Variants in ALDH1A2 observed in about 807,000 individuals in gnomAD.
The protein encoded by ALDH1A2 is retinal dehydrogenase 2.
A neutral mutation model predicts 60.3 loss-of-function variants in ALDH1A2; 27 were observed. That is an observed-to-expected ratio of 0.45 (90% CI 0.33 to 0.62). The LOEUF is 0.62. Among genes scored for constraint, ALDH1A2 ranks in the 20% least tolerant of loss-of-function variants. ALDH1A2 has a pLI of 0.02. For synonymous variants in ALDH1A2, 289 were observed against 232.4 expected (o/e 1.24, Z -2.21); for missense variants, 581 against 643.8 (o/e 0.90, Z 1.06).
At chr15:58,048,361 G>A (rs1344326502) in intron 1 of ALDH1A2, among the ~76,000 whole-genome samples, 1 of 152,036 alleles carries the variant, frequency 6.6e-6, no homozygotes, top group Non-Finnish European at 1.5e-5. Flanking sequence ...TTAACAGTTA[G>A]GTAGCCAAGA....
At chr15:57,963,279 A>C (rs1220225997) in intron 9 of ALDH1A2, among the ~76,000 whole-genome samples, 1 of 152,036 alleles carries the variant, frequency 6.6e-6, no homozygotes, top group African/African-American at 2.4e-5. Context: ...GTCCAGACCC[A>C]TCTTGTCATA....
intron 1 of ALDH1A2, among the ~76,000 whole-genome samples, chr15:58,035,240 T>C (rs1896348263): frequency 6.6e-6 from 1 of 151,666 alleles, no homozygotes; most frequent in South Asian, 2.1e-4. Context: ...GGGCAAAGAG[T>C]TGTGTATAAT....
intron 4 of ALDH1A2, among the ~76,000 whole-genome samples, chr15:58,000,344 G>T (rs1895222105): frequency 1.3e-5 from 2 of 152,026 alleles, no homozygotes; most frequent in South Asian, 4.1e-4. Flanking sequence ...AGGGCTAACA[G>T]CACCCCAGAA....
intron 12 of ALDH1A2, among the ~76,000 whole-genome samples, chr15:57,955,668 G>GTCTC (rs1368575951): frequency 6.6e-6 from 1 of 152,122 alleles, no homozygotes; most frequent in African/African-American, 2.4e-5. Context: ...CCAGGCCCAG[G>GTCTC]TCTCTGAACG....
intron 1 of ALDH1A2, among the ~76,000 whole-genome samples, chr15:58,021,647 G>A (rs541478997): frequency 6.6e-6 from 1 of 152,194 alleles, no homozygotes; most frequent in Non-Finnish European, 1.5e-5. Flanking sequence ...CTACAGCAAG[G>A]CATCATTTCC....
chr15:57,995,017 G>A, intron 5 of ALDH1A2, 61 bp downstream of exon 5: 1 of 1,454,638 alleles, frequency 6.9e-7, no homozygotes, highest in East Asian at 2.3e-5. Flanking sequence ...CATGTTTTAT[G>A]TGTCTTTAAG....
chr15:58,061,098 G>A (rs1181874273), intron 1 of ALDH1A2, among the ~76,000 whole-genome samples: 4 of 152,000 alleles, frequency 2.6e-5, no homozygotes, highest in Non-Finnish European at 5.9e-5. Context: ...AATAAAGAAC[G>A]AGGAGTCCCT....
At chr15:57,983,239 T>G (rs1894575753) in intron 7 of ALDH1A2, among the ~76,000 whole-genome samples, 1 of 152,248 alleles carries the variant, frequency 6.6e-6, no homozygotes, top group South Asian at 2.1e-4. Context: ...AAGTGCTGAT[T>G]CTTTAATATC....
chr15:57,997,958 G>A lies in ALDH1A2; in HGVS notation c.494-2819C>T, dbSNP rs370902471. Among the ~76,000 whole-genome samples, 6 of 151,754 alleles carry A rather than the reference G, an allele frequency of 4.0e-5. No homozygotes were observed. In the East Asian group the frequency reaches 7.7e-4, roughly 20 times the overall value. On this transcript the variant is annotated intron_variant, in intron 4 of 12. Transcript: ENST00000249750. ...TCCCAAAAGAGCACTGAGTTGAAGG[G>A]ACAAAGAAAGGAGGCTACTTTCAAT...
intron 1 of ALDH1A2, among the ~76,000 whole-genome samples, chr15:58,050,362 C>T (rs1363051503): frequency 6.6e-6 from 1 of 151,962 alleles, no homozygotes; most frequent in South Asian, 2.1e-4. Context: ...TTTAGAGCTG[C>T]CCGTTTTAGC....
At chr15:58,028,438 G>C (rs532999196) in intron 1 of ALDH1A2, among the ~76,000 whole-genome samples, 1 of 152,260 alleles carries the variant, frequency 6.6e-6, no homozygotes, top group African/African-American at 2.4e-5. Flanking sequence ...ACCAGCCACT[G>C]CAAAAAACAT....
intron 10 of ALDH1A2, 26 bp from the exon 11 acceptor site, chr15:57,961,320 A>G (rs1430942985): frequency 3.1e-6 from 5 of 1,611,866 alleles, no homozygotes; most frequent in East Asian, 2.2e-5. Context: ...ATGACTCAAC[A>G]TGGTTGCTCT....
At chr15:57,956,365 T>C (rs567635465) in intron 12 of ALDH1A2, among the ~76,000 whole-genome samples, 1 of 152,344 alleles carries the variant, frequency 6.6e-6, no homozygotes, top group South Asian at 2.1e-4. Flanking sequence ...AGGCTGTCTT[T>C]TGAAACAGTC....
intron 12 of ALDH1A2, among the ~76,000 whole-genome samples, chr15:57,958,574 C>A (rs1596062739): frequency 6.6e-6 from 1 of 152,116 alleles, no homozygotes; most frequent in Admixed American, 6.5e-5. Context: ...TCTGGAAGTG[C>A]CACTTCACGT....
At chr15:57,981,893 A>G (rs1566936927) in intron 7 of ALDH1A2, among the ~76,000 whole-genome samples, 1 of 152,214 alleles carries the variant, frequency 6.6e-6, no homozygotes, top group Non-Finnish European at 1.5e-5. Flanking sequence ...AGAGAAAGGA[A>G]ATTCATTTCT....
At chr15:58,033,978 T>C (rs1264793765) in intron 1 of ALDH1A2, among the ~76,000 whole-genome samples, 1 of 151,668 alleles carries the variant, frequency 6.6e-6, no homozygotes, top group African/African-American at 2.4e-5. Context: ...CTAGGTCTTT[T>C]GCCTTTCCAT....
chr15:58,045,802 C>T (rs549231170), intron 1 of ALDH1A2, among the ~76,000 whole-genome samples: 4 of 152,028 alleles, frequency 2.6e-5, no homozygotes, highest in Admixed American at 2.6e-4. Flanking sequence ...GCATGTTCTG[C>T]ACGTGTACCC....
chr15:58,061,599 AAAAAAAAAAAC>A lies in ALDH1A2; in HGVS notation c.117+3924_117+3934del, dbSNP rs1241318912. ...AAAGATTTAAACTCCTTCCCTCAAA[AAAAAAAAAAAC>A]AAAAAAAAAAAAAAAACGGAACAAA... On this transcript the variant is annotated intron_variant, in intron 1 of 12. Transcript: ENST00000249750. Among the ~76,000 whole-genome samples the A allele has an allele frequency of 2.2e-4, 32 of 144,842 alleles. 2 individuals carry two copies. The highest frequency in any genetic ancestry group is 3.2e-4 in the Non-Finnish European group (21 of 65,490).
At chr15:57,981,448 A>G (rs570975436) in intron 7 of ALDH1A2, among the ~76,000 whole-genome samples, 1 of 152,194 alleles carries the variant, frequency 6.6e-6, no homozygotes, top group South Asian at 2.1e-4. Context: ...ATTGACAAAT[A>G]TATTATTTGC....
Sources: allele counts gnomAD v4.1 joint callset (sites outside exome capture counted in the v4.1 genomes callset), GRCh38; gene constraint gnomAD v4.1.1; transcripts MANE v1.5; gene names NCBI Gene and HGNC (gene_info 2026-07-23, HGNC 2026-07-21).